The following CELF1 variants were observed in gnomAD, a reference collection of about 807,000 sequenced individuals.
CELF1 encodes CUGBP Elav-like family member 1.
In CELF1, 10 loss-of-function variants were observed where a neutral mutation model predicts 61.8. The observed-to-expected ratio is 0.16, with a 90% CI of 0.10 to 0.27. The LOEUF (loss-of-function observed/expected upper bound fraction) is 0.27, where lower values mean the gene tolerates loss of function less well. Ranked by LOEUF, CELF1 falls within the 10% of genes least tolerant of loss-of-function variation. The pLI is 1.00. For synonymous variants in CELF1, 236 were observed against 225.1 expected, an observed-to-expected ratio of 1.05 and a Z score of -0.43; for missense variants, 380 against 639.1, an observed-to-expected ratio of 0.59 and a Z score of 4.37.
At chr11:47,557,127 T>C (rs908802991), upstream of CELF1, among the ~76,000 whole-genome samples, 3 of 152,030 alleles carry the variant, frequency 2.0e-5, no homozygotes, top group African/African-American at 7.2e-5. Context: ...CTTGAACTCC[T>C]TACCTCAAGT....
intron 3 of CELF1, among the ~76,000 whole-genome samples, chr11:47,491,015 C>G (rs1352800246): frequency 6.6e-6 from 1 of 151,670 alleles, no homozygotes; most frequent in African/African-American, 2.4e-5. Context: ...GCGCGTGTCA[C>G]CATGCCCAGC....
chr11:47,542,859 G>A (rs774850625), intron 1 of CELF1, among the ~76,000 whole-genome samples: 105 of 152,264 alleles, frequency 6.9e-4, no homozygotes, highest in Admixed American at 1.6e-3. Flanking sequence ...AGGGCTGGGT[G>A]CGGCAGCTCA....
chr11:47,482,759 A>C lies in CELF1; in HGVS notation c.704T>G (p.Ile235Ser). Residue 235 changes from isoleucine (I) to serine (S), a missense_variant, in exon 9 of 15, where the codon ATC (isoleucine) becomes AGC (serine). Ile to Ser is a moderately radical substitution (Grantham distance 142). Coordinates refer to ENST00000687097, the MANE Select transcript of CELF1 (RefSeq NM_001376376.1). Reference sequence around the variant, plus strand: ...GTTTCCCCACACAGATGCTGCGCTGATTTGCTGCATCTGCTGCTGGAGCTG... The same window carrying C: ...GTTTCCCCACACAGATGCTGCGCTGCTTTGCTGCATCTGCTGCTGGAGCTG... Reference protein sequence around the residue: ...AQQLQQQMQQISAASVWGNLA... With the variant: ...AQQLQQQMQQSSAASVWGNLA... The C allele has an allele frequency of 1.2e-6, 2 of 1,613,980 alleles. No individual in the cohort carries two copies. Among genetic ancestry groups the C allele is most frequent in the African/African-American group, 1.3e-5 (1 of 74,996 alleles).
intron 3 of CELF1, among the ~76,000 whole-genome samples, chr11:47,489,262 G>A (rs1377153584): frequency 1.3e-5 from 2 of 152,114 alleles, no homozygotes; most frequent in African/African-American, 2.4e-5. Context: ...TGTTACCAGG[G>A]AACTGACAGT....
chr11:47,546,955 T>G (rs2096968072), intron 1 of CELF1, among the ~76,000 whole-genome samples: 1 of 149,010 alleles, frequency 6.7e-6, no homozygotes, highest in Non-Finnish European at 1.5e-5. Context: ...TAATCCCAGC[T>G]ATTTGGGAGG....
chr11:47,517,632 G>C (rs1421005773), intron 1 of CELF1, among the ~76,000 whole-genome samples: 1 of 151,992 alleles, frequency 6.6e-6, no homozygotes, highest in African/African-American at 2.4e-5. Flanking sequence ...GTTTACATGT[G>C]AACACGTTAC....
rs549635778 is a variant in CELF1 at position 47,505,915 on chromosome 11, A to C, written c.-153-4983T>G. On this transcript the variant is annotated intron_variant, in intron 1 of 14. Coordinates refer to ENST00000687097, the MANE Select transcript of CELF1 (RefSeq NM_001376376.1). The stretch of plus-strand genomic sequence containing the variant: ...GTGCCACTGCACTCCAGCCTGGGTG[A>C]CAAGAGTGAAACTCTGTCTCCAAAA... Among the ~76,000 whole-genome samples the C allele has an allele frequency of 1.2e-3, 171 of 146,802 alleles. 7 individuals are homozygous for C. Among genetic ancestry groups the C allele is most frequent in the Non-Finnish European group, 2.3e-3 (152 of 65,446 alleles).
At chr11:47,535,112 A>G (rs561198182) in intron 1 of CELF1, among the ~76,000 whole-genome samples, 2 of 152,274 alleles carry the variant, frequency 1.3e-5, no homozygotes, top group African/African-American at 4.8e-5. Flanking sequence ...ACAGCACTTG[A>G]TTTCACAGTA....
chr11:47,515,002 G>A (rs552516189), intron 1 of CELF1: 4 of 152,360 alleles, frequency 2.6e-5, no homozygotes, highest in Admixed American at 2.6e-4. Context: ...GTGGGAGGAG[G>A]AATCTAATTC....
intron 3 of CELF1, among the ~76,000 whole-genome samples, chr11:47,495,591 T>G (rs759875668): frequency 6.6e-6 from 1 of 152,096 alleles, no homozygotes; most frequent in African/African-American, 2.4e-5. Context: ...GGAGAAGGGA[T>G]CCGAAGAAAA....
chr11:47,486,686 G>C, intron 6 of CELF1, 64 bp downstream of exon 6: 1 of 1,319,372 alleles, frequency 7.6e-7, no homozygotes, highest in South Asian at 1.2e-5. Flanking sequence ...GGGATTACAG[G>C]TGTGAGCCAC....
chr11:47,517,745 C>T (rs1167820584), intron 1 of CELF1, among the ~76,000 whole-genome samples: 12 of 151,922 alleles, frequency 7.9e-5, no homozygotes, highest in African/African-American at 2.7e-4. Context: ...CTCCGCCTCC[C>T]GGGTTCAAGC....
chr11:47,489,932 C>CTTTTTTTTTTTTT (rs530410346), intron 3 of CELF1, among the ~76,000 whole-genome samples: 7 of 23,442 alleles, frequency 3.0e-4, no homozygotes, highest in South Asian at 2.5e-3. Flanking sequence ...AACATACCAT[C>CTTTTTTTTTTTTT]TTGTTTTTTT....
At chr11:47,477,053 A>AC in intron 11 of CELF1, 94 bp from the exon 12 acceptor site, 2 of 1,104,704 alleles carry the variant, frequency 1.8e-6, no homozygotes, top group Non-Finnish European at 2.7e-6. Flanking sequence ...CTATTTGTAA[A>AC]GAGGTTTTCA....
At chr11:47,482,589 T>C (rs1176204394) in intron 9 of CELF1, 106 bp downstream of exon 9, 2 of 1,078,336 alleles carry the variant, frequency 1.9e-6, no homozygotes, top group Non-Finnish European at 2.7e-6. Context: ...ATAATTTCTA[T>C]ATGCCAAAAG....
intron 1 of CELF1, among the ~76,000 whole-genome samples, chr11:47,544,354 C>T (rs555049286): frequency 6.6e-6 from 1 of 152,256 alleles, no homozygotes; most frequent in African/African-American, 2.4e-5. Context: ...CTGTTCAGTG[C>T]CTAGCATAAG....
chr11:47,486,398 A>C (rs2153460357), intron 6 of CELF1, among the ~76,000 whole-genome samples: 1 of 151,892 alleles, frequency 6.6e-6, no homozygotes, highest in South Asian at 2.1e-4. Context: ...AGAACAGCAA[A>C]CAAACTAGGC....
At chr11:47,545,032 C>T (rs2096897415) in intron 1 of CELF1, among the ~76,000 whole-genome samples, 1 of 152,010 alleles carries the variant, frequency 6.6e-6, no homozygotes, top group Non-Finnish European at 1.5e-5. Flanking sequence ...CCTGTAATCA[C>T]AACACTTTGG....
At chr11:47,515,024 C>G (rs569298544) in intron 1 of CELF1, 2 of 152,210 alleles carry the variant, frequency 1.3e-5, no homozygotes, top group Non-Finnish European at 2.9e-5. Context: ...TTCTATAGTT[C>G]CTGTTTCTTT....
Sources: allele counts gnomAD v4.1 joint callset (sites outside exome capture counted in the v4.1 genomes callset), GRCh38; gene constraint gnomAD v4.1.1; transcripts MANE v1.5; gene names NCBI Gene and HGNC (gene_info 2026-07-23, HGNC 2026-07-21).